CRAMP1: variants seen among roughly 807,000 people sequenced by gnomAD.
The protein encoded by CRAMP1 is cramped chromatin regulator 1.
CRAMP1 carries 50 observed loss-of-function variants against 115.4 expected under a neutral mutation model. The ratio of observed to expected loss-of-function variants is 0.43; its 90% confidence interval spans 0.35 to 0.55. The LOEUF (loss-of-function observed/expected upper bound fraction) is 0.55. CRAMP1 is among the 20% of genes least tolerant of loss of function. The pLI, the probability that CRAMP1 is intolerant of heterozygous loss-of-function variation, is 0.01. For synonymous variants in CRAMP1, 866 were observed against 745.4 expected (o/e 1.16, Z -2.64); for missense variants, 1,679 against 1,721.7 (o/e 0.98, Z 0.44).
chr16:1,619,700 A>C (rs2036450347), intron 2 of CRAMP1, among the ~76,000 whole-genome samples: 2 of 152,190 alleles, frequency 1.3e-5, no homozygotes, highest in African/African-American at 2.4e-5. Flanking sequence ...GAGAATCTTC[A>C]AGAGAGACAG....
chr16:1,627,437 T>C (rs2036516716), intron 3 of CRAMP1, among the ~76,000 whole-genome samples: 1 of 152,126 alleles, frequency 6.6e-6, no homozygotes, highest in Non-Finnish European at 1.5e-5. Flanking sequence ...GCTAATTAAT[T>C]GGGGTGATGG....
At chr16:1,648,268 G>A (rs1361987327) in intron 6 of CRAMP1, among the ~76,000 whole-genome samples, 1 of 152,192 alleles carries the variant, frequency 6.6e-6, no homozygotes, top group African/African-American at 2.4e-5. Flanking sequence ...ATGGTGAGTG[G>A]AAACGTCCAT....
At chr16:1,623,958 C>T (rs1468286162) in intron 2 of CRAMP1, among the ~76,000 whole-genome samples, 1 of 152,100 alleles carries the variant, frequency 6.6e-6, no homozygotes, top group Non-Finnish European at 1.5e-5. Context: ...ATGGAGCAGC[C>T]GGAAAGCGGC....
At chr16:1,612,757 G>C (rs981527303) in intron 1 of CRAMP1, among the ~76,000 whole-genome samples, 100 bp downstream of exon 1, 3 of 152,132 alleles carry the variant, frequency 2.0e-5, no homozygotes, top group African/African-American at 7.2e-5. Context: ...CTTCCACAGC[G>C]CCCGGTACAG....
At chr16:1,631,698 G>C (rs1022997137) in intron 3 of CRAMP1, among the ~76,000 whole-genome samples, 1 of 152,230 alleles carries the variant, frequency 6.6e-6, no homozygotes, top group African/African-American at 2.4e-5. Context: ...TCCAAGAAGG[G>C]TTGGCCTCCA....
intron 6 of CRAMP1, among the ~76,000 whole-genome samples, chr16:1,651,994 C>T (rs551859168): frequency 2.0e-5 from 3 of 149,920 alleles, no homozygotes; most frequent in African/African-American, 7.4e-5. Context: ...ACTGAGGTCA[C>T]AGGTCATGTA....
intron 11 of CRAMP1, among the ~76,000 whole-genome samples, chr16:1,662,054 G>T (rs2036835448): frequency 6.6e-6 from 1 of 152,216 alleles, no homozygotes; most frequent in Admixed American, 6.5e-5. Context: ...CTCACCTGTT[G>T]TCTGTAGTTG....
At position 1,614,622 on chromosome 16, in the gene CRAMP1, C is replaced by G; in HGVS notation, c.-1-17C>G. 1 of 1,233,320 alleles carries G rather than the reference C, an allele frequency of 8.1e-7. No individual in the cohort carries two copies. The highest frequency in any genetic ancestry group is 3.8e-5 in the South Asian group (1 of 26,582). The allele number at this position is 1,233,320 out of a possible 1,614,324, so 76.4% of individuals were successfully genotyped here. A position where few individuals can be genotyped will look rare whatever the true frequency, so the allele number is the denominator to read the frequency against. On this transcript the variant is annotated splice_polypyrimidine_tract_variant and intron_variant, in intron 1 of 20. Transcript: ENST00000397412. This position sits in a 1 kb window ranked among gnomAD's most constrained non-coding sequence, Gnocchi z 4.4. Reference sequence around the variant, plus strand: ...CTGCGCCCGCCTCACCGGCCGCCTCCCCTCTCCCGGCCGCAGGATGACAGT... The same window carrying G: ...CTGCGCCCGCCTCACCGGCCGCCTCGCCTCTCCCGGCCGCAGGATGACAGT...
rs542005837 is a variant in CRAMP1, at chr16:1,676,284, T to A, written c.*2239T>A. 1 of 152,650 alleles carries A rather than the reference T, an allele frequency of 6.6e-6. No individual in the cohort carries two copies. Among genetic ancestry groups the A allele is most frequent in the South Asian group, 2.1e-4 (1 of 4,826 alleles). The allele number at this position is 152,650 out of a possible 1,614,324, so 9.5% of individuals were successfully genotyped here. On this transcript the variant is annotated 3_prime_UTR_variant, in exon 21 of 21. Transcript: ENST00000397412. ...CAGCCATTGCCATCCAGTGGGGAGA[T>A]GGGTTAGGGAGGAGGACGGGCTGAC...
chr16:1,656,815 C>T lies in CRAMP1; in HGVS notation c.2058C>T (p.Leu686=). ...GGAACCTGCAGACCTCCGAAAGCCT[C>T]ACGCTGGCCGAAGTCTACCTCATGA... The part of the protein sequence containing the change: ...EGWNLQTSES[L]TLAEVYLMMG... Residue 686 remains leucine, a synonymous_variant, in exon 10 of 21, where the codon CTC becomes CTT. Coordinates refer to ENST00000397412, the MANE Select transcript of CRAMP1 (RefSeq NM_020825.4). This position sits in a 1 kb window ranked among gnomAD's most constrained non-coding sequence, Gnocchi z 5.6. 6.5e-7 allele frequency: 1 copy of T among 1,549,714 alleles called. No individual in the cohort carries two copies. Among genetic ancestry groups the T allele is most frequent in the Non-Finnish European group, 8.7e-7 (1 of 1,146,292 alleles).
intron 8 of CRAMP1, 97 bp downstream of exon 8, chr16:1,653,253 A>T: frequency 7.1e-7 from 1 of 1,404,856 alleles, no homozygotes. Flanking sequence ...CAGGAGAAGC[A>T]GGTCCACCCC....
Position 1,662,788 on chromosome 16 carries a change from C to A in CRAMP1, c.2623C>A (p.Pro875Thr). The change falls in exon 13 of 21, where the codon CCC (proline) becomes ACC (threonine). Residue 875 changes from proline to threonine, a missense_variant. Around this residue, in one of 8 missense-constraint regions of CRAMP1, gnomAD observed 709 missense variants for 741.9 expected, o/e 0.96. Coordinates refer to ENST00000397412, the MANE Select transcript of CRAMP1 (RefSeq NM_020825.4). The stretch of plus-strand genomic sequence containing the variant: ...GCAGTCGGATTTCTTCCTGCCAAAG[C>A]CCCGGAAGCTGCGGAACCGGCACCT... ...SMQSDFFLPK[P>T]RKLRNRHLRK... The A allele has an allele frequency of 6.2e-7, 1 of 1,613,922 alleles. No individual in the cohort carries two copies. Among genetic ancestry groups the A allele is most frequent in the South Asian group, 1.1e-5 (1 of 91,086 alleles).
chr16:1,657,860 A>G (rs1457867484), intron 10 of CRAMP1, among the ~76,000 whole-genome samples: 3 of 152,158 alleles, frequency 2.0e-5, no homozygotes, highest in African/African-American at 7.2e-5. Flanking sequence ...GCTGCTGGAC[A>G]TGGGCGAGGG....
intron 10 of CRAMP1, among the ~76,000 whole-genome samples, chr16:1,657,448 G>A (rs1325176172): frequency 6.6e-6 from 1 of 152,162 alleles, no homozygotes; most frequent in African/African-American, 2.4e-5. Context: ...AGTGAGGCCT[G>A]GAGCCGAGCT....
intron 2 of CRAMP1, among the ~76,000 whole-genome samples, chr16:1,616,730 T>G (rs2036423408): frequency 6.6e-6 from 1 of 152,178 alleles, no homozygotes; most frequent in Non-Finnish European, 1.5e-5. Context: ...GACTTTTCAT[T>G]AAGTTTTAAT....
At chr16:1,641,735 T>C (rs1303513396) in intron 6 of CRAMP1, among the ~76,000 whole-genome samples, 4 of 152,332 alleles carry the variant, frequency 2.6e-5, no homozygotes, top group Admixed American at 2.6e-4. Flanking sequence ...CAGTTGCTGC[T>C]GTTGGGCTGC....
intron 2 of CRAMP1, among the ~76,000 whole-genome samples, chr16:1,621,357 C>T (rs1282353004): frequency 3.3e-5 from 5 of 152,250 alleles, no homozygotes; most frequent in Non-Finnish European, 5.9e-5. Context: ...GTCTGCACAG[C>T]AGGCTGTGGC....
Position 1,661,533 on chromosome 16 carries a change from G to A in CRAMP1, c.2414-957G>A, listed in dbSNP as rs903914789. On this transcript the variant is annotated intron_variant, in intron 11 of 20. Transcript: ENST00000397412. ...CGGGTGAGGGGTCCTGGCCTCCTGG[G>A]TGACGGAGGGGGTCGGGTGAGGGGT... 1.6e-4 allele frequency among the ~76,000 whole-genome samples: 24 copies of A among 151,046 alleles called. 2 individuals are homozygous for A. The highest frequency in any genetic ancestry group is 4.4e-4 in the African/African-American group (18 of 40,978).
chr16:1,654,644 C>T (rs751094409), intron 8 of CRAMP1, among the ~76,000 whole-genome samples: 7 of 152,190 alleles, frequency 4.6e-5, no homozygotes, highest in Non-Finnish European at 1.0e-4. Flanking sequence ...AGCACTCACT[C>T]CTCTATTCTC....
Sources: allele counts gnomAD v4.1 joint callset (sites outside exome capture counted in the v4.1 genomes callset), GRCh38; gene constraint gnomAD v4.1.1; regional missense constraint gnomAD v4.1.1; non-coding constraint Gnocchi (gnomAD v3.1); transcripts MANE v1.5; gene names NCBI Gene and HGNC (gene_info 2026-07-23, HGNC 2026-07-21).